PCDHGA2: variants seen among roughly 807,000 people sequenced by gnomAD.
PCDHGA2 encodes protocadherin gamma-A2.
Under a neutral mutation model 59.2 loss-of-function variants are expected in PCDHGA2, and 40 were observed. That is an observed-to-expected ratio of 0.68 (90% confidence interval 0.52 to 0.88). PCDHGA2 has a LOEUF of 0.88. Among genes scored for constraint, PCDHGA2 ranks in the 40% least tolerant of loss-of-function variants. PCDHGA2 has a pLI of 0.00. For missense variants in PCDHGA2, 1,226 were observed against 1,204.0 expected, an observed-to-expected ratio of 1.02 and a Z score of -0.27; for synonymous variants, 560 against 526.0, an observed-to-expected ratio of 1.06 and a Z score of -0.89.
intron 1 of PCDHGA2, among the ~76,000 whole-genome samples, chr5:141,368,348 C>T (rs1406521709): frequency 1.3e-5 from 2 of 151,986 alleles, no homozygotes; most frequent in African/African-American, 4.8e-5. Flanking sequence ...TACATATACA[C>T]ACACATATAT....
chr5:141,369,651 A>C (rs562787182), intron 1 of PCDHGA2, among the ~76,000 whole-genome samples: 2 of 152,378 alleles, frequency 1.3e-5, no homozygotes, highest in South Asian at 4.1e-4. Context: ...GGGGGGAGAT[A>C]ATAAAGATAA....
chr5:141,404,157 A>G (rs746450194), intron 1 of PCDHGA2: 12 of 1,613,094 alleles, frequency 7.4e-6, no homozygotes, highest in Non-Finnish European at 5.9e-6. Flanking sequence ...GAAGATTATT[A>G]CAGATTGTTG....
chr5:141,365,082 T>A lies in PCDHGA2; in HGVS notation c.2424+23687T>A, dbSNP rs769625651. 5 of 1,613,852 alleles carry A rather than the reference T, an allele frequency of 3.1e-6. No homozygotes were observed. In the South Asian group the frequency reaches 5.5e-5, roughly 18 times the overall value. On this transcript the variant is annotated intron_variant, in intron 1 of 3. Coordinates refer to ENST00000394576, the MANE Select transcript of PCDHGA2 (RefSeq NM_018915.4). ...ACCCCATCCGAGTACAGCGTGAGTG[T>A]TCCAGAGAACATACCTGTGGGCACT... is the stretch of plus-strand genomic sequence containing the variant.
chr5:141,373,163 A>G (rs1171278735), intron 1 of PCDHGA2, among the ~76,000 whole-genome samples: 1 of 152,252 alleles, frequency 6.6e-6, no homozygotes, highest in Non-Finnish European at 1.5e-5. Context: ...GTTTTAATGC[A>G]GTCAATCCTA....
At chr5:141,393,800 GA>G (rs1403705962) in intron 1 of PCDHGA2, 2 of 1,613,842 alleles carry the variant, frequency 1.2e-6, no homozygotes, top group Non-Finnish European at 1.7e-6. Flanking sequence ...CACTTCTGGG[GA>G]GGACCAAATT....
chr5:141,359,404 A>T (rs979392497), intron 1 of PCDHGA2, among the ~76,000 whole-genome samples: 3 of 152,032 alleles, frequency 2.0e-5, no homozygotes, highest in East Asian at 3.8e-4. Context: ...CAAATTTTTT[A>T]AAAAATGTGT....
chr5:141,421,402 G>A (rs2096569907), intron 1 of PCDHGA2: 1 of 1,614,076 alleles, frequency 6.2e-7, no homozygotes, highest in Non-Finnish European at 8.5e-7. Context: ...GGAGCCCCGG[G>A]AGCTGGCGAA....
intron 1 of PCDHGA2, chr5:141,344,463 GAACT>G: frequency 6.2e-7 from 1 of 1,613,882 alleles, no homozygotes; most frequent in South Asian, 1.1e-5. Flanking sequence ...AAAAATTGGT[GAACT>G]AACGGTTCCT....
rs368438944 is a variant in PCDHGA2, at chr5:141,350,232, G to A, written c.2424+8837G>A. ...ATTTCTTTTTGAAAAACATCCCAGAGGAAAGAAGCTCCGCGGAGAGTTCCT... is the reference window on the plus strand; with the variant it reads ...ATTTCTTTTTGAAAAACATCCCAGAAGAAAGAAGCTCCGCGGAGAGTTCCT... On this transcript the variant is annotated intron_variant, in intron 1 of 3. Coordinates refer to ENST00000394576, the MANE Select transcript of PCDHGA2 (RefSeq NM_018915.4). 158 of 1,502,678 alleles carry A rather than the reference G, an allele frequency of 1.1e-4. 1 individual carries two copies. Among genetic ancestry groups the A allele is most frequent in the South Asian group, 2.8e-5 (2 of 70,498 alleles). 93.1% of individuals were successfully genotyped at this position (1,502,678 alleles called of 1,614,324 possible).
chr5:141,424,768 A>G (rs143190880), intron 1 of PCDHGA2: 38 of 152,284 alleles, frequency 2.5e-4, no homozygotes, highest in African/African-American at 9.1e-4. Context: ...TCTTATGGCA[A>G]ATAGTACATT....
intron 1 of PCDHGA2, chr5:141,421,344 G>A: frequency 6.2e-7 from 1 of 1,613,976 alleles, no homozygotes; most frequent in Non-Finnish European, 8.5e-7. Context: ...TGCCAGAAGA[G>A]ACCGAAAAGG....
chr5:141,488,437 C>A (rs1327345486), intron 1 of PCDHGA2, among the ~76,000 whole-genome samples: 2 of 152,210 alleles, frequency 1.3e-5, no homozygotes, highest in Non-Finnish European at 2.9e-5. Context: ...CCTCTGACCA[C>A]CCTCCTGGGT....
Position 141,507,461 on chromosome 5 carries a change from G to A in PCDHGA2, c.2572+1980G>A, listed in dbSNP as rs145114393. On this transcript the variant is annotated intron_variant, in intron 3 of 3. Coordinates refer to ENST00000394576, the MANE Select transcript of PCDHGA2 (RefSeq NM_018915.4). ...AGCTGACGGAAGGACAGAGAGAGAG[G>A]TGGCAGGGACTGCTGGCCTCCTGAG... Among the ~76,000 whole-genome samples the A allele has an allele frequency of 3.8e-3, 581 of 152,330 alleles. 5 individuals are homozygous for A. Among genetic ancestry groups the A allele is most frequent in the African/African-American group, 0.012 (485 of 41,570 alleles).
At position 141,431,782 on chromosome 5, in the gene PCDHGA2, C is replaced by A. The variant is rs767269112; in HGVS notation, c.2425-63025C>A. The A allele has an allele frequency of 6.2e-7, 1 of 1,614,082 alleles. No homozygotes were observed. On this transcript the variant is annotated intron_variant, in intron 1 of 3. Transcript: ENST00000394576. This position sits in a 1 kb window ranked among gnomAD's most constrained non-coding sequence, Gnocchi z 4.8. Reference sequence around the variant, plus strand: ...TCCTGATCACTGTTCTGGACGTGAACGACAATGCCCCAGAAGTGGTCCTCA... The same window carrying A: ...TCCTGATCACTGTTCTGGACGTGAAAGACAATGCCCCAGAAGTGGTCCTCA...
At chr5:141,415,871 G>T (rs2095966585) in intron 1 of PCDHGA2, 2 of 1,074,308 alleles carry the variant, frequency 1.9e-6, no homozygotes, top group South Asian at 2.3e-5. Context: ...TAGTGTTGTT[G>T]AGTACAATAT....
chr5:141,343,608 G>A (rs1047554548), intron 1 of PCDHGA2, among the ~76,000 whole-genome samples: 3 of 152,220 alleles, frequency 2.0e-5, no homozygotes, highest in Non-Finnish European at 2.9e-5. Context: ...TAAGGTTAGT[G>A]CATGGATTCC....
At position 141,489,258 on chromosome 5, in the gene PCDHGA2, C is replaced by T. The variant is rs1594800449; in HGVS notation, c.2425-5549C>T. 3.2e-6 allele frequency: 5 copies of T among 1,551,530 alleles called. No individual in the cohort carries two copies. Among genetic ancestry groups the T allele is most frequent in the African/African-American group, 1.4e-5 (1 of 73,276 alleles). On this transcript the variant is annotated intron_variant, in intron 1 of 3. Coordinates refer to ENST00000394576, the MANE Select transcript of PCDHGA2 (RefSeq NM_018915.4). This position sits in a 1 kb window ranked among gnomAD's most constrained non-coding sequence, Gnocchi z 4.5. Reference sequence around the variant, plus strand: ...TCTGGGTCATGGGGCCCAAGACACTCCCACAGCTCGCTGGGAAATGGCAAG... The same window carrying T: ...TCTGGGTCATGGGGCCCAAGACACTTCCACAGCTCGCTGGGAAATGGCAAG...
At chr5:141,356,162 C>G in intron 1 of PCDHGA2, 1 of 1,613,176 alleles carries the variant, frequency 6.2e-7, no homozygotes, top group Non-Finnish European at 8.5e-7. Flanking sequence ...GATGTAGAAG[C>G]CCATGATGGG....
At chr5:141,443,321 A>AC (rs1175439570) in intron 1 of PCDHGA2, among the ~76,000 whole-genome samples, 1 of 151,616 alleles carries the variant, frequency 6.6e-6, no homozygotes, top group African/African-American at 2.4e-5. Flanking sequence ...TCTCTACAAA[A>AC]AAAAAAAACA....
Sources: allele counts gnomAD v4.1 joint callset (sites outside exome capture counted in the v4.1 genomes callset), GRCh38; gene constraint gnomAD v4.1.1; non-coding constraint Gnocchi (gnomAD v3.1); transcripts MANE v1.5; gene names NCBI Gene and HGNC (gene_info 2026-07-23, HGNC 2026-07-21).